The following SCAF8 variants were observed in gnomAD, a reference collection of about 807,000 sequenced individuals.
SCAF8 encodes the protein SR-related and CTD-associated factor 8.
In SCAF8, 23 loss-of-function variants were observed where a neutral mutation model predicts 140.5. The ratio of observed to expected loss-of-function variants is 0.16; its 90% CI spans 0.12 to 0.23. The LOEUF is 0.23. SCAF8 is among the 10% of genes least tolerant of loss of function. SCAF8 has a pLI of 1.00. For missense variants in SCAF8, 1,397 were observed against 1,555.7 expected (o/e 0.90, Z 1.72); for synonymous variants, 575 against 528.9 (o/e 1.09, Z -1.20).
At chr6:154,805,668 C>G (rs1204365592) in intron 9 of SCAF8, among the ~76,000 whole-genome samples, 182 bp downstream of exon 9, 1 of 150,826 alleles carries the variant, frequency 6.6e-6, no homozygotes, top group East Asian at 1.9e-4. Flanking sequence ...TTTTTCAACT[C>G]TTATTAGTAA....
intron 18 of SCAF8, among the ~76,000 whole-genome samples, chr6:154,830,184 C>T (rs1296320831): frequency 6.6e-6 from 1 of 152,172 alleles, no homozygotes; most frequent in Non-Finnish European, 1.5e-5. Context: ...TTGTGCATGA[C>T]CACAGGTGTT....
chr6:154,815,719 G>A lies in SCAF8; in HGVS notation c.1424G>A (p.Cys475Tyr). The change falls in exon 13 of 20, where the codon TGT becomes TAT. Residue 475 changes from cysteine (C) to tyrosine (Y), a missense_variant. Physicochemically the swap from Cys to Tyr is radical, Grantham distance 194 (BLOSUM62 -2). Coordinates refer to ENST00000367178, the MANE Select transcript of SCAF8 (RefSeq NM_014892.5). Reference sequence around the variant, plus strand: ...TTTGTCTCTTGTGTCTTGACAGTATGTAGTACTACTCTCTGGGTTGGGCAA... The same window carrying A: ...TTTGTCTCTTGTGTCTTGACAGTATATAGTACTACTCTCTGGGTTGGGCAA... ...PPIRSKTLSV[C>Y]STTLWVGQVD... 1 of 1,594,204 alleles carries A rather than the reference G, an allele frequency of 6.3e-7. No individual in the cohort carries two copies. Among genetic ancestry groups the A allele is most frequent in the Non-Finnish European group, 8.6e-7 (1 of 1,162,326 alleles).
At chr6:154,755,930 T>C (rs1033405346) in intron 1 of SCAF8, among the ~76,000 whole-genome samples, 1 of 152,220 alleles carries the variant, frequency 6.6e-6, no homozygotes, top group South Asian at 2.1e-4. Context: ...GAGAGAGTTA[T>C]TGATGAGTAT....
intron 1 of SCAF8, among the ~76,000 whole-genome samples, chr6:154,758,241 T>G (rs35563662): frequency 3.7e-4 from 57 of 152,278 alleles, no homozygotes; most frequent in Non-Finnish European, 7.4e-4. Context: ...GCGACATTTT[T>G]AATATTATGT....
At chr6:154,821,012 G>A (rs546042488) in intron 15 of SCAF8, among the ~76,000 whole-genome samples, 285 of 152,180 alleles carry the variant, frequency 1.9e-3, no homozygotes, top group African/African-American at 6.5e-3. Context: ...CTCAGACCAA[G>A]GTAAAATTTT....
chr6:154,776,246 A>G (rs1011305812), intron 2 of SCAF8, among the ~76,000 whole-genome samples: 6 of 151,684 alleles, frequency 4.0e-5, no homozygotes, highest in Admixed American at 1.3e-4. Flanking sequence ...CGTCTAGACC[A>G]GTTGTTTTTC....
chr6:154,821,392 A>G (rs1313040394), intron 15 of SCAF8, among the ~76,000 whole-genome samples: 1 of 152,128 alleles, frequency 6.6e-6, no homozygotes, highest in African/African-American at 2.4e-5. Context: ...AGCAGAGAAC[A>G]CATGACCCAT....
At chr6:154,798,547 C>T (rs1443504094) in intron 6 of SCAF8, among the ~76,000 whole-genome samples, 4 of 151,408 alleles carry the variant, frequency 2.6e-5, no homozygotes, top group African/African-American at 2.4e-5. Context: ...GTTAAGAAAT[C>T]CTCTGCCTTC....
At chr6:154,752,728 G>C (rs1451445004) in intron 1 of SCAF8, among the ~76,000 whole-genome samples, 2 of 152,130 alleles carry the variant, frequency 1.3e-5, no homozygotes, top group Non-Finnish European at 2.9e-5. Context: ...TATTTTGCTT[G>C]TTTGTTTTTT....
chr6:154,768,172 T>G (rs1776636426), intron 1 of SCAF8, among the ~76,000 whole-genome samples: 1 of 152,168 alleles, frequency 6.6e-6, no homozygotes, highest in African/African-American at 2.4e-5. Flanking sequence ...GCCAGATTCA[T>G]TTGTCTTGAA....
rs1777547067 is a variant in SCAF8 at position 154,794,783 on chromosome 6, GTGTGTGTGTGT to G, written c.476-225_476-215del. On this transcript the variant is annotated intron_variant, in intron 5 of 19. Transcript: ENST00000367178. Reference sequence around the variant, plus strand: ...GTGGGGGGGGGGGGGTGTGGGGGGTGTGTGTGTGTGTGTGTGTGTGTGTGTGTGTGTGTGTG... The same window carrying G: ...GTGGGGGGGGGGGGGTGTGGGGGGTGGTGTGTGTGTGTGTGTGTGTGTGTG... Among the ~76,000 whole-genome samples, 2 of 13,950 alleles carry G rather than the reference GTGTGTGTGTGT, an allele frequency of 1.4e-4. 1 individual carries two copies. Among genetic ancestry groups the G allele is most frequent in the African/African-American group, 9.9e-4 (2 of 2,024 alleles). The allele number at this position is 13,950 out of a possible 152,430, so 9.2% of individuals were successfully genotyped here.
chr6:154,797,394 A>C (rs2114889610), intron 6 of SCAF8, among the ~76,000 whole-genome samples: 1 of 150,604 alleles, frequency 6.6e-6, no homozygotes, highest in Non-Finnish European at 1.5e-5. Context: ...AATCTTTATC[A>C]GTGATTTTTT....
intron 3 of SCAF8, among the ~76,000 whole-genome samples, chr6:154,786,445 C>T (rs941144845): frequency 2.0e-5 from 3 of 152,206 alleles, no homozygotes; most frequent in African/African-American, 7.2e-5. Flanking sequence ...GGCTGCGTGA[C>T]CCTAAACTGT....
chr6:154,796,587 G>C (rs1384081715), intron 6 of SCAF8, among the ~76,000 whole-genome samples: 1 of 152,082 alleles, frequency 6.6e-6, no homozygotes, highest in Non-Finnish European at 1.5e-5. Flanking sequence ...TGCTTTGTGA[G>C]ATCAATTTAG....
chr6:154,758,401 C>G (rs141300937), intron 1 of SCAF8, among the ~76,000 whole-genome samples: 18 of 152,210 alleles, frequency 1.2e-4, no homozygotes, highest in African/African-American at 4.3e-4. Context: ...TTGAGGTGCG[C>G]ACAGCATACT....
At chr6:154,766,875 T>C (rs1256173136) in intron 1 of SCAF8, among the ~76,000 whole-genome samples, 7 of 152,076 alleles carry the variant, frequency 4.6e-5, no homozygotes, top group Admixed American at 1.3e-4. Context: ...TGATGTTCTA[T>C]TGGGGTTCTC....
chr6:154,791,993 G>A (rs1468813292), intron 4 of SCAF8, among the ~76,000 whole-genome samples: 1 of 151,720 alleles, frequency 6.6e-6, no homozygotes, highest in Non-Finnish European at 1.5e-5. Context: ...GTGGCAAGCA[G>A]GTTTTTTATT....
At chr6:154,768,159 T>C (rs540036607) in intron 1 of SCAF8, among the ~76,000 whole-genome samples, 10 of 152,310 alleles carry the variant, frequency 6.6e-5, no homozygotes, top group African/African-American at 2.4e-4. Flanking sequence ...GTGGTCCTTA[T>C]AGGCCAGATT....
At chr6:154,775,786 T>TTTA (rs897086216) in intron 2 of SCAF8, among the ~76,000 whole-genome samples, 5 of 151,760 alleles carry the variant, frequency 3.3e-5, no homozygotes, top group Non-Finnish European at 4.4e-5. Flanking sequence ...AAAGAGAATC[T>TTTA]TTATTATTAT....
Sources: allele counts gnomAD v4.1 joint callset (sites outside exome capture counted in the v4.1 genomes callset), GRCh38; gene constraint gnomAD v4.1.1; transcripts MANE v1.5; gene names NCBI Gene and HGNC (gene_info 2026-07-23, HGNC 2026-07-21).